Variants in ZNF385B observed in about 807,000 individuals in gnomAD.
The protein encoded by ZNF385B is zinc finger protein 533.
ZNF385B carries 23 observed loss-of-function variants against 39.2 expected under a neutral mutation model. The ratio of observed to expected loss-of-function variants is 0.59; its 90% CI spans 0.42 to 0.83. The LOEUF is 0.83. ZNF385B is among the 40% of genes least tolerant of loss of function. The probability of loss-of-function intolerance (pLI) is 0.00; values close to 1 mark genes in which losing one functional copy is unlikely to be tolerated. For synonymous variants in ZNF385B, 205 were observed against 222.6 expected, an observed-to-expected ratio of 0.92 and a Z score of 0.70; for missense variants, 552 against 598.9, an observed-to-expected ratio of 0.92 and a Z score of 0.82.
chr2:179,628,327 G>T (rs1575026342), intron 3 of ZNF385B, among the ~76,000 whole-genome samples: 1 of 152,098 alleles, frequency 6.6e-6, no homozygotes, highest in East Asian at 1.9e-4. Context: ...ATTTTAATCT[G>T]TTAATTAATT....
intron 4 of ZNF385B, 55 bp from the exon 5 acceptor site, chr2:179,518,693 T>C: frequency 5.4e-6 from 6 of 1,110,132 alleles, no homozygotes; most frequent in Non-Finnish European, 7.8e-6. Flanking sequence ...AAGACAACAG[T>C]GTGAGCAAAT....
intron 4 of ZNF385B, among the ~76,000 whole-genome samples, chr2:179,524,606 C>G (rs17285077): frequency 7.1e-6 from 1 of 140,312 alleles, no homozygotes; most frequent in Non-Finnish European, 1.5e-5. Context: ...AGTCAGCCAT[C>G]GAGCAAATAT....
At chr2:179,534,941 G>A (rs1193551571) in intron 4 of ZNF385B, among the ~76,000 whole-genome samples, 1 of 152,162 alleles carries the variant, frequency 6.6e-6, no homozygotes, top group African/African-American at 2.4e-5. Context: ...CTTCAAAAAT[G>A]TGCCATGTGA....
intron 3 of ZNF385B, among the ~76,000 whole-genome samples, chr2:179,748,586 T>G (rs1206933466): frequency 6.6e-6 from 1 of 152,142 alleles, no homozygotes; most frequent in Non-Finnish European, 1.5e-5. Flanking sequence ...TGCTATAAAC[T>G]ACTTGCAATA....
At chr2:179,486,161 A>T (rs1292841885) in intron 5 of ZNF385B, among the ~76,000 whole-genome samples, 1 of 152,180 alleles carries the variant, frequency 6.6e-6, no homozygotes, top group African/African-American at 2.4e-5. Flanking sequence ...AAAATTGATA[A>T]TGTAGTATAA....
chr2:179,713,171 T>TA (rs1700114359), intron 3 of ZNF385B, among the ~76,000 whole-genome samples: 1 of 152,230 alleles, frequency 6.6e-6, no homozygotes, highest in South Asian at 2.1e-4. Context: ...ATTTTCAACT[T>TA]ACAATATTTT....
rs554616365 is a variant in ZNF385B at position 179,588,427 on chromosome 2, G to C, written c.299-43458C>G. ...GGCAAACTTTTATCTCAAAGAGGGG[G>C]AATGAATAGGGAAGATTATTTTACT... is the stretch of plus-strand genomic sequence containing the variant. On this transcript the variant is annotated intron_variant, in intron 3 of 9. Transcript: ENST00000410066. Among the ~76,000 whole-genome samples the C allele has an allele frequency of 1.4e-3, 213 of 152,176 alleles. 1 individual carries two copies. The highest frequency in any genetic ancestry group is 4.9e-3 in the African/African-American group (203 of 41,506).
At chr2:179,466,944 A>AAG (rs2052100059) in intron 6 of ZNF385B, among the ~76,000 whole-genome samples, 12 of 138,426 alleles carry the variant, frequency 8.7e-5, no homozygotes, top group African/African-American at 3.2e-4. Context: ...AAAAAAAAAA[A>AAG]GAGAGAGAGA....
At chr2:179,813,668 T>C (rs956793995) in intron 1 of ZNF385B, among the ~76,000 whole-genome samples, 4 of 152,184 alleles carry the variant, frequency 2.6e-5, no homozygotes, top group East Asian at 1.9e-4. Flanking sequence ...ATAACACTTA[T>C]TAAATTGTCC....
At chr2:179,745,405 C>T (rs1702319542) in intron 3 of ZNF385B, among the ~76,000 whole-genome samples, 1 of 152,088 alleles carries the variant, frequency 6.6e-6, no homozygotes, top group Non-Finnish European at 1.5e-5. Flanking sequence ...GTAATGGTAG[C>T]AAATTGCATA....
chr2:179,812,259 C>A (rs1706782238), intron 1 of ZNF385B, among the ~76,000 whole-genome samples: 1 of 152,128 alleles, frequency 6.6e-6, no homozygotes, highest in Admixed American at 6.6e-5. Context: ...TAAAACAGAA[C>A]TACCGTTTAA....
chr2:179,503,273 T>C (rs943522989), intron 5 of ZNF385B, among the ~76,000 whole-genome samples: 3 of 152,220 alleles, frequency 2.0e-5, no homozygotes, highest in Non-Finnish European at 4.4e-5. Context: ...TCTAAATCTC[T>C]ATGCTTCAAC....
intron 3 of ZNF385B, among the ~76,000 whole-genome samples, chr2:179,767,918 T>C (rs891505296): frequency 6.7e-6 from 1 of 148,236 alleles, no homozygotes; most frequent in Non-Finnish European, 1.5e-5. Flanking sequence ...ATATATATAA[T>C]ATTATTAATA....
chr2:179,530,187 A>C (rs2105854550), intron 4 of ZNF385B, among the ~76,000 whole-genome samples: 2 of 152,318 alleles, frequency 1.3e-5, no homozygotes, highest in East Asian at 3.9e-4. Flanking sequence ...TGACTTGAAA[A>C]CAATCCCCAA....
At chr2:179,667,804 T>C (rs1486225919) in intron 3 of ZNF385B, among the ~76,000 whole-genome samples, 1 of 152,184 alleles carries the variant, frequency 6.6e-6, no homozygotes, top group Non-Finnish European at 1.5e-5. Flanking sequence ...AGGTATACAC[T>C]GACTTGAGGG....
intron 3 of ZNF385B, among the ~76,000 whole-genome samples, chr2:179,764,584 A>G (rs1703583397): frequency 6.6e-6 from 1 of 151,608 alleles, no homozygotes; most frequent in African/African-American, 2.4e-5. Context: ...TTATTTATTT[A>G]TATTTTGGTT....
At chr2:179,762,561 A>T (rs563452687) in intron 3 of ZNF385B, among the ~76,000 whole-genome samples, 1 of 152,304 alleles carries the variant, frequency 6.6e-6, no homozygotes, top group Admixed American at 6.5e-5. Context: ...TAGTTATGGT[A>T]TATAATTCTT....
At chr2:179,859,586 T>A (rs1165394689) in intron 1 of ZNF385B, among the ~76,000 whole-genome samples, 1 of 152,184 alleles carries the variant, frequency 6.6e-6, no homozygotes. Flanking sequence ...GTCAAGGAGA[T>A]CTACAAGAAT....
At position 179,445,728 on chromosome 2, in the gene ZNF385B, C is replaced by A; in HGVS notation, c.962G>T (p.Gly321Val). The A allele has an allele frequency of 6.3e-7, 1 of 1,599,632 alleles. No homozygotes were observed. The highest frequency in any genetic ancestry group is 1.1e-5 in the South Asian group (1 of 88,002). ...TTCAACCATGGTCTTGTGTTTAGAT[C>A]CTAAGACAGAAAGAGACACATATTA... ...SLSQLEAHNT[G>V]SKHKTMVEAR... is the part of the protein sequence containing the mutation. Residue 321 changes from glycine to valine, a missense_variant and splice_region_variant, in exon 8 of 10, where the codon GGA (glycine) becomes GTA (valine). Gly to Val is a moderately radical substitution (Grantham distance 109, BLOSUM62 -3). Transcript: ENST00000410066.
Sources: allele counts gnomAD v4.1 joint callset (sites outside exome capture counted in the v4.1 genomes callset), GRCh38; gene constraint gnomAD v4.1.1; transcripts MANE v1.5; gene names NCBI Gene and HGNC (gene_info 2026-07-23, HGNC 2026-07-21).